The following PLPPR4 variants were observed in gnomAD, a reference collection of about 807,000 sequenced individuals.
The protein encoded by PLPPR4 is phospholipid phosphatase-related protein type 4.
PLPPR4 carries 24 observed loss-of-function variants against 56.6 expected under a neutral mutation model. That is an observed-to-expected ratio of 0.42 (90% CI 0.31 to 0.60). The LOEUF (loss-of-function observed/expected upper bound fraction) is 0.60, where lower values mean the gene tolerates loss of function less well. Ranked by LOEUF, PLPPR4 falls within the 20% of genes least tolerant of loss-of-function variation. The pLI, the probability that PLPPR4 is intolerant of heterozygous loss-of-function variation, is 0.13. For synonymous variants in PLPPR4, 326 were observed against 328.1 expected, an observed-to-expected ratio of 0.99 and a Z score of 0.07; for missense variants, 654 against 885.8, an observed-to-expected ratio of 0.74 and a Z score of 3.32.
chr1:99,301,094 C>T (rs1659873222), intron 5 of PLPPR4, 128 bp downstream of exon 5: 1 of 765,024 alleles, frequency 1.3e-6, no homozygotes, highest in Non-Finnish European at 2.2e-6. Context: ...GCACTGCAGC[C>T]TTTCAATACA....
At chr1:99,272,405 A>G (rs888144489) in intron 1 of PLPPR4, among the ~76,000 whole-genome samples, 60 of 152,210 alleles carry the variant, frequency 3.9e-4, no homozygotes, top group African/African-American at 1.4e-3. Context: ...CCTAATTATT[A>G]CTATTTCTAG....
At chr1:99,276,049 T>G (rs1391273975) in intron 1 of PLPPR4, among the ~76,000 whole-genome samples, 2 of 152,200 alleles carry the variant, frequency 1.3e-5, no homozygotes, top group African/African-American at 4.8e-5. Flanking sequence ...AAATAGAAGT[T>G]ATTAATGTCC....
intron 4 of PLPPR4, among the ~76,000 whole-genome samples, chr1:99,299,819 T>C (rs916414905): frequency 1.3e-5 from 2 of 151,772 alleles, no homozygotes; most frequent in African/African-American, 4.8e-5. Context: ...TAAAGGAAAC[T>C]CAAGAAATTA....
chr1:99,294,857 A>G (rs1659705139), intron 2 of PLPPR4, among the ~76,000 whole-genome samples: 1 of 151,718 alleles, frequency 6.6e-6, no homozygotes. Flanking sequence ...AATTATACAG[A>G]GAGAAAAAAA....
intron 4 of PLPPR4, 50 bp from the exon 5 acceptor site, chr1:99,300,859 A>G (rs778452871): frequency 1.4e-5 from 19 of 1,337,658 alleles, no homozygotes; most frequent in Middle Eastern, 1.8e-4. Context: ...GATGATTGCT[A>G]GCAGTGTATC....
chr1:99,272,582 C>G (rs986652135), intron 1 of PLPPR4, among the ~76,000 whole-genome samples: 45 of 152,150 alleles, frequency 3.0e-4, no homozygotes, highest in African/African-American at 1.0e-3. Context: ...GGATCTTCCA[C>G]TGTTCCAAAT....
chr1:99,267,429 C>A (rs892772436), intron 1 of PLPPR4, among the ~76,000 whole-genome samples: 2 of 152,188 alleles, frequency 1.3e-5, no homozygotes, highest in Non-Finnish European at 2.9e-5. Context: ...CCAGATACTA[C>A]ATGAATAATT....
upstream of PLPPR4, among the ~76,000 whole-genome samples, chr1:99,263,433 C>T (rs1658810795): frequency 6.6e-6 from 1 of 152,024 alleles, no homozygotes; most frequent in Non-Finnish European, 1.5e-5. Context: ...TGCCAAAGAC[C>T]TATTGGAGGA....
intron 1 of PLPPR4, among the ~76,000 whole-genome samples, chr1:99,272,961 GA>G (rs960616909): frequency 6.3e-4 from 94 of 150,010 alleles, no homozygotes; most frequent in African/African-American, 2.3e-3. Flanking sequence ...TTGGTCAGAA[GA>G]AAAAAAAAGG....
rs1426347518 is a variant in PLPPR4 at position 99,296,873 on chromosome 1, T to C, written c.394+6T>C. On this transcript the variant is annotated splice_donor_region_variant and intron_variant, in intron 3 of 6. Coordinates refer to ENST00000370185, the MANE Select transcript of PLPPR4 (RefSeq NM_014839.5). ...ACGAGCTGTCAGATTCGTTGGTGGG[T>C]GTGGGGAACCACAAAGAAAAGAAAT... 1 of 1,540,718 alleles carries C rather than the reference T, an allele frequency of 6.5e-7. No homozygotes were observed. Among genetic ancestry groups the C allele is most frequent in the African/African-American group, 1.4e-5 (1 of 72,334 alleles).
chr1:99,269,791 T>G (rs1659003058), intron 1 of PLPPR4, among the ~76,000 whole-genome samples: 1 of 152,122 alleles, frequency 6.6e-6, no homozygotes, highest in African/African-American at 2.4e-5. Context: ...AGAAAAGAGT[T>G]TGAAATTGCC....
At chr1:99,265,826 T>C (rs1440854852) in intron 1 of PLPPR4, among the ~76,000 whole-genome samples, 1 of 152,238 alleles carries the variant, frequency 6.6e-6, no homozygotes, top group Non-Finnish European at 1.5e-5. Context: ...ATTGTCGGAC[T>C]GTTCTTATAG....
At chr1:99,301,481 A>G (rs186485380) in intron 5 of PLPPR4, among the ~76,000 whole-genome samples, 18 of 152,186 alleles carry the variant, frequency 1.2e-4, no homozygotes, top group Non-Finnish European at 1.8e-4. Flanking sequence ...GAGACTAAAC[A>G]GTTAAATGGT....
chr1:99,300,133 A>G (rs984021969), intron 4 of PLPPR4, among the ~76,000 whole-genome samples: 2 of 151,934 alleles, frequency 1.3e-5, no homozygotes, highest in Non-Finnish European at 2.9e-5. Context: ...TCTCAGTCCT[A>G]TTACATTAAC....
intron 1 of PLPPR4, among the ~76,000 whole-genome samples, chr1:99,274,536 T>C (rs1291644668): frequency 6.6e-6 from 1 of 152,184 alleles, no homozygotes; most frequent in African/African-American, 2.4e-5. Flanking sequence ...TTTTATACAG[T>C]GTGCATACAA....
intron 1 of PLPPR4, among the ~76,000 whole-genome samples, chr1:99,265,630 G>C (rs1318268772): frequency 6.6e-6 from 1 of 152,222 alleles, no homozygotes; most frequent in Non-Finnish European, 1.5e-5. Context: ...TGTTTAGTTA[G>C]AGTCTGGGTT....
At chr1:99,264,733 G>A (rs1658848161) in intron 1 of PLPPR4, 62 bp downstream of exon 1, 1 of 1,525,666 alleles carries the variant, frequency 6.6e-7, no homozygotes, top group African/African-American at 1.4e-5. Flanking sequence ...AGCGAATTCA[G>A]GTCCTGGACA....
intron 2 of PLPPR4, among the ~76,000 whole-genome samples, chr1:99,295,856 G>C (rs2100804837): frequency 6.6e-6 from 1 of 152,296 alleles, no homozygotes; most frequent in Admixed American, 6.5e-5. Context: ...AGTCTAGTGA[G>C]AGACAGCCAA....
At chr1:99,298,401 T>C (rs1308301221) in intron 3 of PLPPR4, among the ~76,000 whole-genome samples, 1 of 152,120 alleles carries the variant, frequency 6.6e-6, no homozygotes, top group Non-Finnish European at 1.5e-5. Flanking sequence ...TTAAAATTGG[T>C]CCTAGGAGAA....
Sources: allele counts gnomAD v4.1 joint callset (sites outside exome capture counted in the v4.1 genomes callset), GRCh38; gene constraint gnomAD v4.1.1; transcripts MANE v1.5; gene names NCBI Gene and HGNC (gene_info 2026-07-23, HGNC 2026-07-21).